Variants in CYP2C8 observed in about 807,000 individuals in gnomAD.
CYP2C8 encodes the protein cytochrome P450 family 2 subfamily C member 8, also known as cytochrome P450 2C8.
CYP2C8 carries 51 observed loss-of-function variants against 41.3 expected under a neutral mutation model. The ratio of observed to expected loss-of-function variants is 1.24; its 90% CI spans 0.99 to 1.56. The LOEUF (loss-of-function observed/expected upper bound fraction) is 1.56. CYP2C8 is among the 40% of genes most tolerant of loss of function. The probability of loss-of-function intolerance (pLI) is 0.00; values close to 1 mark genes in which losing one functional copy is unlikely to be tolerated. For synonymous variants in CYP2C8, 218 were observed against 205.8 expected (o/e 1.06, Z -0.51); for missense variants, 651 against 579.9 (o/e 1.12, Z -1.26).
rs1564735252 is a variant in CYP2C8 at position 95,045,812 on chromosome 10, G to A, written c.959C>T (p.Thr320Ile). ...LLLLLKHPEV[T>I]AKVQEEIDHV... ...TTGTTCATCATCTGTGGTCCTACCTGTGACCTCTGGGTGCTTCAGCAGGAG... is the reference window on the plus strand; with the variant it reads ...TTGTTCATCATCTGTGGTCCTACCTATGACCTCTGGGTGCTTCAGCAGGAG... The change falls in exon 6 of 9, where the codon ACA becomes ATA. Residue 320 changes from threonine to isoleucine, a missense_variant and splice_region_variant. Transcript: ENST00000371270. 3 of 1,613,976 alleles carry A rather than the reference G, an allele frequency of 1.9e-6. No homozygotes were observed. The highest frequency in any genetic ancestry group is 2.5e-6 in the Non-Finnish European group (3 of 1,179,864).
intron 6 of CYP2C8, 144 bp from the exon 7 acceptor site, chr10:95,043,221 T>G: frequency 2.8e-6 from 2 of 707,682 alleles, no homozygotes; most frequent in Non-Finnish European, 4.9e-6. Context: ...ACCAGCCATA[T>G]AAAAAGAATT....
At chr10:95,045,723 T>A (rs1172102887) in intron 6 of CYP2C8, 87 bp downstream of exon 6, 1 of 1,517,288 alleles carries the variant, frequency 6.6e-7, no homozygotes, top group Non-Finnish European at 9.1e-7. Flanking sequence ...GAATGAGCCT[T>A]CTCTGAGAGA....
chr10:95,059,173 T>C (rs2033372086), intron 4 of CYP2C8, among the ~76,000 whole-genome samples: 1 of 152,228 alleles, frequency 6.6e-6, no homozygotes, highest in Non-Finnish European at 1.5e-5. Flanking sequence ...ATGGGATGGC[T>C]GGGTCAAATG....
Position 95,042,943 on chromosome 10 carries a change from C to T in CYP2C8, c.1096G>A (p.Val366Met), listed in dbSNP as rs147133669. ...QRYSDLVPTGVPHAVTTDTKF... is the reference protein window; with the variant it reads ...QRYSDLVPTGMPHAVTTDTKF... ...GTATCAGTGGTCACTGCATGGGGCA[C>T]ACCGGTGGGGACAAGGTCACTGTAT... Residue 366 changes from valine to methionine, a missense_variant, in exon 7 of 9, where the codon GTG becomes ATG. By Grantham distance (21) the Val-to-Met change is conservative. Coordinates refer to ENST00000371270, the MANE Select transcript of CYP2C8 (RefSeq NM_000770.3). 145 of 1,614,160 alleles carry T rather than the reference C, an allele frequency of 9.0e-5. 1 individual carries two copies. The African/African-American group carries it at 1.5e-3, about 16-fold the overall frequency.
intron 5 of CYP2C8, among the ~76,000 whole-genome samples, chr10:95,050,145 G>A (rs2033188014): frequency 6.6e-6 from 1 of 152,098 alleles, no homozygotes; most frequent in African/African-American, 2.4e-5. Context: ...TTCTGCATGG[G>A]CCTGTGGTAG....
intron 4 of CYP2C8, among the ~76,000 whole-genome samples, chr10:95,061,786 A>C (rs1348311242): frequency 1.3e-5 from 2 of 152,116 alleles, no homozygotes; most frequent in Admixed American, 6.5e-5. Flanking sequence ...TAGTGCTATA[A>C]ATTTCCCTCT....
At chr10:95,068,926 T>A (rs2033624000) in intron 1 of CYP2C8, among the ~76,000 whole-genome samples, 1 of 151,978 alleles carries the variant, frequency 6.6e-6, no homozygotes, top group African/African-American at 2.4e-5. Flanking sequence ...CCGGGCATGG[T>A]GGAGGGCACC....
rs1240066512 is a variant in CYP2C8 at position 95,038,851 on chromosome 10, A to T, written c.1291+46T>A. 19 of 1,601,822 alleles carry T rather than the reference A, an allele frequency of 1.2e-5. No homozygotes were observed. The East Asian group carries it at 4.2e-4, about 36-fold the overall frequency. ...ATGTAAATTCCAACTAATTCCAAAA[A>T]GTTCTCTCTTTCCTTTAAATACAAA... On this transcript the variant is annotated intron_variant, in intron 8 of 8. Coordinates refer to ENST00000371270, the MANE Select transcript of CYP2C8 (RefSeq NM_000770.3).
chr10:95,051,139 G>A (rs539136251), intron 5 of CYP2C8, among the ~76,000 whole-genome samples: 3 of 152,042 alleles, frequency 2.0e-5, no homozygotes, highest in African/African-American at 4.8e-5. Context: ...TAAACATAAC[G>A]AAGAGACTGA....
At chr10:95,056,443 T>A (rs1290661348) in intron 5 of CYP2C8, among the ~76,000 whole-genome samples, 1 of 152,196 alleles carries the variant, frequency 6.6e-6, no homozygotes, top group Non-Finnish European at 1.5e-5. Context: ...GTAACTTGTA[T>A]ACAAATGTTC....
At position 95,064,807 on chromosome 10, in the gene CYP2C8, C is replaced by A; in HGVS notation, c.635G>T (p.Trp212Leu). ...ATAAAATCTTGGCCTTACCTGGATC[C>A]ATGGGGAGTTCAGAATCCTGAAGTT... is the stretch of plus-strand genomic sequence containing the variant. Reference protein sequence around the residue: ...NENFRILNSPWIQVCNNFPLL... With the variant: ...NENFRILNSPLIQVCNNFPLL... Residue 212 changes from tryptophan to leucine, a missense_variant, in exon 4 of 9, where the codon TGG becomes TTG. Trp to Leu is a moderately conservative substitution (Grantham distance 61). Coordinates refer to ENST00000371270, the MANE Select transcript of CYP2C8 (RefSeq NM_000770.3). 6.2e-7 allele frequency: 1 copy of A among 1,613,698 alleles called. No individual in the cohort carries two copies. The highest frequency in any genetic ancestry group is 8.5e-7 in the Non-Finnish European group (1 of 1,179,840).
chr10:95,061,023 G>A lies in CYP2C8; in HGVS notation c.643-2512C>T, dbSNP rs1234890610. On this transcript the variant is annotated intron_variant, in intron 4 of 8. Coordinates refer to ENST00000371270, the MANE Select transcript of CYP2C8 (RefSeq NM_000770.3). ...TGATCGTGGTGGATAAGCTTTTTAT[G>A]TGCTGCTGGATTCAGTTTGCCGTAA... 3.9e-5 allele frequency among the ~76,000 whole-genome samples: 6 copies of A among 152,314 alleles called. No individual in the cohort carries two copies. The South Asian group carries it at 1.0e-3, about 26-fold the overall frequency.
chr10:95,059,515 T>C (rs1218451913), intron 4 of CYP2C8, among the ~76,000 whole-genome samples: 2 of 152,204 alleles, frequency 1.3e-5, no homozygotes, highest in Non-Finnish European at 2.9e-5. Flanking sequence ...GTAAATTTGT[T>C]TGAGTTCATT....
Position 95,064,784 on chromosome 10 carries a change from A to T in CYP2C8, c.642+16T>A. 6.2e-7 allele frequency: 1 copy of T among 1,612,940 alleles called. No homozygotes were observed. The highest frequency in any genetic ancestry group is 8.5e-7 in the Non-Finnish European group (1 of 1,179,044). On this transcript the variant is annotated intron_variant, in intron 4 of 8. Transcript: ENST00000371270. ...TGAATAAATGGTTTCCAAGGAAAAT[A>T]AAATCTTGGCCTTACCTGGATCCAT...
intron 5 of CYP2C8, among the ~76,000 whole-genome samples, chr10:95,046,782 T>C (rs1025750378): frequency 3.3e-5 from 5 of 149,528 alleles, no homozygotes; most frequent in African/African-American, 1.2e-4. Context: ...GGCACTTGAC[T>C]CTCTCATGCT....
At chr10:95,057,566 A>G (rs2033337326) in intron 5 of CYP2C8, among the ~76,000 whole-genome samples, 1 of 152,142 alleles carries the variant, frequency 6.6e-6, no homozygotes, top group African/African-American at 2.4e-5. Flanking sequence ...ACAAAACTAC[A>G]GTAATTAAGA....
intron 7 of CYP2C8, among the ~76,000 whole-genome samples, chr10:95,041,511 G>A (rs2032994908): frequency 6.6e-6 from 1 of 152,204 alleles, no homozygotes; most frequent in Non-Finnish European, 1.5e-5. Context: ...GCCGGGCGCG[G>A]TGGCTCACGC....
chr10:95,058,451 T>G lies in CYP2C8; in HGVS notation c.703A>C (p.Lys235Gln). ...TAACTTCGTGTAAGAGCAACATTTTTAAGCACTTTGTTGTGAGTTCCTGGG... is the reference window on the plus strand; with the variant it reads ...TAACTTCGTGTAAGAGCAACATTTTGAAGCACTTTGTTGTGAGTTCCTGGG... ...CFPGTHNKVL[K>Q]NVALTRSYIR... The change falls in exon 5 of 9, where the codon AAA becomes CAA. Residue 235 changes from lysine (K) to glutamine (Q), a missense_variant. Physicochemically the swap from Lys to Gln is moderately conservative, Grantham distance 53. Transcript: ENST00000371270. 1 of 1,613,418 alleles carries G rather than the reference T, an allele frequency of 6.2e-7. No individual in the cohort carries two copies. The highest frequency in any genetic ancestry group is 2.2e-5 in the East Asian group (1 of 44,818).
In CYP2C8 at chr10:95,037,161, T is replaced by C. The variant is rs1313198373; in HGVS notation, c.1440A>G (p.Pro480=). ...GGATGAAGCAGATCTGGTATGAGGG[T>C]GGCAGAGAAACAATCCCTTTGGTAA... The part of the protein sequence containing the change: ...TAVTKGIVSL[P]PSYQICFIPV Residue 480 remains proline, a synonymous_variant, in exon 9 of 9, where the codon CCA becomes CCG. Transcript: ENST00000371270. The C allele has an allele frequency of 2.5e-6, 4 of 1,613,810 alleles. No homozygotes were observed. The highest frequency in any genetic ancestry group is 1.7e-5 in the Admixed American group (1 of 59,976).
Sources: gnomAD v4.1 joint callset for allele counts (sites outside exome capture counted in the v4.1 genomes callset) on GRCh38, gnomAD v4.1.1 for gene constraint, MANE v1.5 for transcripts, NCBI Gene and HGNC (gene_info 2026-07-23, HGNC 2026-07-21) for gene names.